Variants in PREX2 observed in about 807,000 individuals in gnomAD.
PREX2 encodes the protein phosphatidylinositol-3,4,5-trisphosphate dependent Rac exchange factor 2.
In PREX2, 107 loss-of-function variants were observed where a neutral mutation model predicts 203.2. The ratio of observed to expected loss-of-function variants is 0.53; its 90% CI spans 0.45 to 0.62. PREX2 has a LOEUF of 0.62. PREX2 is among the 20% of genes least tolerant of loss of function. The probability of loss-of-function intolerance (pLI) is 0.00; values close to 1 mark genes in which losing one functional copy is unlikely to be tolerated. For synonymous variants in PREX2, 672 were observed against 663.6 expected (o/e 1.01, Z -0.19); for missense variants, 1,777 against 1,955.9 (o/e 0.91, Z 1.72).
chr8:68,080,350 G>T, intron 15 of PREX2, 93 bp from the exon 16 acceptor site: 1 of 1,076,582 alleles, frequency 9.3e-7, no homozygotes, highest in Non-Finnish European at 1.4e-6. Flanking sequence ...TGAGGTTATG[G>T]GTGCAGGTAT....
chr8:68,129,912 C>T lies in PREX2; in HGVS notation c.3766+2493C>T, dbSNP rs560230854. ...AAAAAAAAAAAAACCCTCAAATTCT[C>T]TGTTTTTCTTCTTTTGCTAGTAGCT... On this transcript the variant is annotated intron_variant, in intron 31 of 39. Coordinates refer to ENST00000288368, the MANE Select transcript of PREX2 (RefSeq NM_024870.4). Among the ~76,000 whole-genome samples, 26 of 150,404 alleles carry T rather than the reference C, an allele frequency of 1.7e-4. 1 individual carries two copies. Among genetic ancestry groups the T allele is most frequent in the African/African-American group, 6.1e-4 (25 of 41,188 alleles).
rs545753638 is a variant in PREX2, at chr8:67,959,492, A to T, written c.141+6957A>T. ...AAGGCAGATGAGCCTAGCCAAGGGT[A>T]GAGAGACAATAAAAAGGGAACTAAA... On this transcript the variant is annotated intron_variant, in intron 1 of 39. Transcript: ENST00000288368. Among the ~76,000 whole-genome samples, 17 of 152,280 alleles carry T rather than the reference A, an allele frequency of 1.1e-4. No homozygotes were observed. In the South Asian group the frequency reaches 3.5e-3, roughly 32 times the overall value.
intron 39 of PREX2, among the ~76,000 whole-genome samples, chr8:68,230,684 T>C (rs1278461804): frequency 6.6e-6 from 1 of 152,180 alleles, no homozygotes; most frequent in East Asian, 1.9e-4. Flanking sequence ...TGGGCTGCAA[T>C]GGGAAGCATT....
At chr8:68,072,414 T>C in intron 13 of PREX2, 81 bp from the exon 14 acceptor site, 4 of 743,068 alleles carry the variant, frequency 5.4e-6, no homozygotes, top group South Asian at 5.1e-5. Flanking sequence ...TGATACTAAA[T>C]GAAAATATTT....
intron 1 of PREX2, among the ~76,000 whole-genome samples, chr8:67,987,076 C>G (rs1297470570): frequency 2.8e-5 from 4 of 144,714 alleles, no homozygotes; most frequent in Non-Finnish European, 5.9e-5. Context: ...TGGTGTGAAC[C>G]TGGGAGGCGG....
intron 20 of PREX2, among the ~76,000 whole-genome samples, chr8:68,091,320 A>G (rs1809867883): frequency 2.6e-5 from 4 of 152,242 alleles, no homozygotes; most frequent in Non-Finnish European, 5.9e-5. Context: ...GCCACAAAAA[A>G]CTAAAATTAG....
chr8:68,156,203 G>T (rs146116613), intron 34 of PREX2, among the ~76,000 whole-genome samples: 81 of 152,130 alleles, frequency 5.3e-4, no homozygotes, highest in African/African-American at 1.8e-3. Context: ...TAGGACTACG[G>T]GTGCATGCCA....
chr8:67,958,403 C>G (rs1020480177), intron 1 of PREX2, among the ~76,000 whole-genome samples: 1 of 152,152 alleles, frequency 6.6e-6, no homozygotes, highest in Non-Finnish European at 1.5e-5. Context: ...GTGACCTCAG[C>G]GTGGCAGATC....
At chr8:68,087,652 C>A (rs1809734675) in intron 18 of PREX2, 72 bp from the exon 19 acceptor site, 2 of 1,055,326 alleles carry the variant, frequency 1.9e-6, no homozygotes, top group Admixed American at 1.7e-5. Context: ...AGGTGTAAAG[C>A]TGTACACGAC....
At chr8:68,100,267 C>T in intron 23 of PREX2, 1 of 445,938 alleles carries the variant, frequency 2.2e-6, no homozygotes, top group Middle Eastern at 6.8e-4. Flanking sequence ...TTGATTAAGT[C>T]ATTCATTTGA....
At chr8:68,007,667 T>C (rs1209684658) in intron 1 of PREX2, among the ~76,000 whole-genome samples, 1 of 152,256 alleles carries the variant, frequency 6.6e-6, no homozygotes, top group Non-Finnish European at 1.5e-5. Context: ...TGGAGTGCAG[T>C]GGCGCCATCT....
At chr8:68,137,564 C>A (rs140962820) in intron 32 of PREX2, among the ~76,000 whole-genome samples, 1 of 152,098 alleles carries the variant, frequency 6.6e-6, no homozygotes, top group East Asian at 1.9e-4. Flanking sequence ...AGCCACCGTG[C>A]CTGACCATTG....
chr8:68,148,225 C>CA, intron 34 of PREX2, among the ~76,000 whole-genome samples: 1 of 152,130 alleles, frequency 6.6e-6, no homozygotes, highest in East Asian at 1.9e-4. Flanking sequence ...CCAGCCTGGG[C>CA]AATAGGGTGA....
intron 34 of PREX2, among the ~76,000 whole-genome samples, chr8:68,148,073 C>T (rs945787724): frequency 2.0e-5 from 3 of 152,032 alleles, no homozygotes; most frequent in African/African-American, 7.3e-5. Context: ...ATGGTGGAAA[C>T]CTGTGTCTAC....
At chr8:68,128,087 T>G (rs1810932661) in intron 31 of PREX2, among the ~76,000 whole-genome samples, 1 of 152,190 alleles carries the variant, frequency 6.6e-6, no homozygotes, top group Admixed American at 6.5e-5. Flanking sequence ...TCAAAATGCA[T>G]TTACAAGGAA....
chr8:68,205,751 C>A (rs1303300298), intron 37 of PREX2, among the ~76,000 whole-genome samples: 1 of 152,174 alleles, frequency 6.6e-6, no homozygotes, highest in African/African-American at 2.4e-5. Context: ...TAAATGTGAT[C>A]ATTACAGGAA....
At chr8:67,986,408 G>T (rs1371951512) in intron 1 of PREX2, among the ~76,000 whole-genome samples, 3 of 152,196 alleles carry the variant, frequency 2.0e-5, no homozygotes, top group South Asian at 2.1e-4. Context: ...GGCATGCCGG[G>T]AGCGTAGGGC....
intron 6 of PREX2, among the ~76,000 whole-genome samples, chr8:68,036,269 ATAGT>A (rs747378840): frequency 4.6e-5 from 7 of 152,214 alleles, no homozygotes; most frequent in Admixed American, 2.0e-4. Context: ...CGATGTCATA[ATAGT>A]TAGCTCAATT....
At chr8:68,099,309 A>G (rs923721376) in intron 22 of PREX2, among the ~76,000 whole-genome samples, 1 of 152,120 alleles carries the variant, frequency 6.6e-6, no homozygotes, top group Non-Finnish European at 1.5e-5. Context: ...AAATTGAGAA[A>G]AAAAAATGTT....
Sources: gnomAD v4.1 joint callset for allele counts (sites outside exome capture counted in the v4.1 genomes callset) on GRCh38, gnomAD v4.1.1 for gene constraint, MANE v1.5 for transcripts, NCBI Gene and HGNC (gene_info 2026-07-23, HGNC 2026-07-21) for gene names.